The following GPR55 variants were observed in gnomAD, a reference collection of about 807,000 sequenced individuals.
GPR55 encodes the protein G-protein coupled receptor 55.
In GPR55, 6 loss-of-function variants were observed where a neutral mutation model predicts 7.9. The ratio of observed to expected loss-of-function variants is 0.76; its 90% CI spans 0.41 to 1.49. GPR55 has a LOEUF of 1.49. Ranked by LOEUF, GPR55 falls within the 40% of genes most tolerant of loss-of-function variation. The probability of loss-of-function intolerance (pLI) is 0.01; values close to 1 mark genes in which losing one functional copy is unlikely to be tolerated. For synonymous variants in GPR55, 183 were observed against 166.8 expected, an observed-to-expected ratio of 1.10 and a Z score of -0.75; for missense variants, 376 against 406.0, an observed-to-expected ratio of 0.93 and a Z score of 0.63.
Position 230,936,481 on chromosome 2 carries a change from T to C in GPR55, c.-135+24294A>G, listed in dbSNP as rs1373269969. 3.9e-5 allele frequency among the ~76,000 whole-genome samples: 6 copies of C among 152,172 alleles called. No homozygotes were observed. The South Asian group carries it at 1.2e-3, about 32-fold the overall frequency. ...CCATGTGAAGAAGGACATGTTTGCT[T>C]CCCCTTCCACCTGACTATAAGTTTC... On this transcript the variant is annotated intron_variant, in intron 1 of 1. Coordinates refer to the GPR55 transcript ENST00000392039.
intron 1 of GPR55, among the ~76,000 whole-genome samples, chr2:230,912,057 C>T (rs1326492466): frequency 1.3e-5 from 2 of 152,160 alleles, no homozygotes; most frequent in African/African-American, 2.4e-5. Context: ...CGCCTCTGCC[C>T]ACCTCCCTGC....
chr2:230,909,931 A>C lies in GPR55; in HGVS notation c.*72T>G. On this transcript the variant is annotated 3_prime_UTR_variant, in exon 2 of 2. Coordinates refer to ENST00000650999, the MANE Select transcript of GPR55 (RefSeq NM_005683.4). ...GTGCGGATCATCCCACCACATCAAA[A>C]CCCTGGAACGCGATATCCGTTACCA... The C allele has an allele frequency of 6.9e-7, 1 of 1,449,334 alleles. No individual in the cohort carries two copies. Among genetic ancestry groups the C allele is most frequent in the Non-Finnish European group, 9.4e-7 (1 of 1,059,286 alleles). 89.8% of individuals were successfully genotyped at this position (1,449,334 alleles called of 1,614,324 possible).
upstream of GPR55, among the ~76,000 whole-genome samples, chr2:230,927,454 C>T (rs892331162): frequency 1.3e-5 from 2 of 152,232 alleles, no homozygotes; most frequent in African/African-American, 4.8e-5. Context: ...TCAGGCCTGT[C>T]CCTCGAGCTT....
chr2:230,908,924 A>G lies in GPR55; in HGVS notation c.*1079T>C, dbSNP rs1243327765. 2.6e-5 allele frequency: 4 copies of G among 152,144 alleles called. No individual in the cohort carries two copies. The highest frequency in any genetic ancestry group is 9.7e-5 in the African/African-American group (4 of 41,384). The allele number at this position is 152,144 out of a possible 1,614,324, so 9.4% of individuals were successfully genotyped here. On this transcript the variant is annotated 3_prime_UTR_variant, in exon 2 of 2. Transcript: ENST00000650999. ...CCACACCCTTGTGCCTAGCTGCCTC[A>G]TCTCCCTCCCAGCTGCCAGGGAGGG... is the stretch of plus-strand genomic sequence containing the variant.
At chr2:230,936,416 A>C (rs1691132467) in intron 1 of GPR55, among the ~76,000 whole-genome samples, 1 of 152,146 alleles carries the variant, frequency 6.6e-6, no homozygotes, top group South Asian at 2.1e-4. Context: ...TGGTTTTATA[A>C]GGGGCTTTCC....
Position 230,910,638 on chromosome 2 carries a change from C to T in GPR55, c.325G>A (p.Val109Ile), listed in dbSNP as rs763797671. Residue 109 changes from valine (V) to isoleucine (I), a missense_variant, in exon 2 of 2, where the codon GTC becomes ATC. Transcript: ENST00000650999. This position sits in a 1 kb window ranked among gnomAD's most constrained non-coding sequence, Gnocchi z 5.4. ...CLYFVSMYGS[V>I]FTICFISMDR... ...ATGCTGATGAAGCAGATGGTGAAGA[C>T]GCTTCCGTACATGCTGACGAAGTAA... 26 of 1,613,722 alleles carry T rather than the reference C, an allele frequency of 1.6e-5. No homozygotes were observed. The highest frequency in any genetic ancestry group is 6.7e-5 in the Admixed American group (4 of 59,990).
chr2:230,932,866 T>TGC (rs1026956535), intron 1 of GPR55, among the ~76,000 whole-genome samples: 2 of 150,784 alleles, frequency 1.3e-5, no homozygotes, highest in Admixed American at 6.6e-5. Context: ...GCAGGACTGC[T>TGC]GCTCTCTCTC....
intron 1 of GPR55, among the ~76,000 whole-genome samples, chr2:230,941,324 G>A (rs775742338): frequency 6.6e-6 from 1 of 152,246 alleles, no homozygotes; most frequent in East Asian, 1.9e-4. Context: ...AGTGAGCAGG[G>A]CCCTTTGCTG....
chr2:230,926,045 G>T (rs368722533), upstream of GPR55, among the ~76,000 whole-genome samples: 14 of 152,228 alleles, frequency 9.2e-5, no homozygotes, highest in African/African-American at 3.4e-4. Flanking sequence ...TGCCCTGGAG[G>T]TGCTGGGAGG....
At chr2:230,926,682 C>CTT (rs56318183), upstream of GPR55, among the ~76,000 whole-genome samples, 50 of 100,912 alleles carry the variant, frequency 5.0e-4, no homozygotes, top group East Asian at 6.3e-4. Context: ...TGGCTACCTT[C>CTT]TTTTTTTTTT....
chr2:230,956,571 G>A (rs1003375980), intron 1 of GPR55, among the ~76,000 whole-genome samples: 5 of 152,120 alleles, frequency 3.3e-5, no homozygotes, highest in Non-Finnish European at 7.3e-5. Flanking sequence ...TTGCTGAAGC[G>A]TTTGGAGTAA....
chr2:230,937,373 C>T (rs1260894809), intron 1 of GPR55, among the ~76,000 whole-genome samples: 1 of 117,790 alleles, frequency 8.5e-6, no homozygotes, highest in Non-Finnish European at 1.7e-5. Flanking sequence ...CCAGTGTGCT[C>T]CAGTCTGGGC....
At position 230,944,019 on chromosome 2, in the gene GPR55, G is replaced by A. The variant is rs565988597; in HGVS notation, c.-135+16756C>T. On this transcript the variant is annotated intron_variant, in intron 1 of 1. Coordinates refer to the GPR55 transcript ENST00000392039. The surrounding 1 kb of genome is among the most constrained non-coding windows in gnomAD (Gnocchi z 4.2). ...AACACAGGGTCTGTCTTAGGAAGGG[G>A]CCCTCGGGCTGTCCCTCTTCTCCCT... Among the ~76,000 whole-genome samples the A allele has an allele frequency of 2.0e-5, 3 of 152,364 alleles. No individual in the cohort carries two copies. The East Asian group carries it at 5.8e-4, about 29-fold the overall frequency.
At chr2:230,915,850 G>A (rs1487359083) in intron 1 of GPR55, among the ~76,000 whole-genome samples, 1 of 42,312 alleles carries the variant, frequency 2.4e-5, no homozygotes, top group Non-Finnish European at 3.9e-5. Flanking sequence ...CTGGTTGGAA[G>A]AACCAGACTT....
At chr2:230,913,732 T>C (rs143900742) in intron 1 of GPR55, among the ~76,000 whole-genome samples, 1 of 152,210 alleles carries the variant, frequency 6.6e-6, no homozygotes, top group Non-Finnish European at 1.5e-5. Flanking sequence ...ATTACTGGAA[T>C]AGCTTGGAAC....
intron 1 of GPR55, among the ~76,000 whole-genome samples, chr2:230,936,890 T>C (rs1039932876): frequency 6.6e-6 from 1 of 152,244 alleles, no homozygotes; most frequent in Non-Finnish European, 1.5e-5. Context: ...TAATTTATAT[T>C]TATGATTCTT....
chr2:230,930,016 C>G (rs1212572938), upstream of GPR55: 1 of 152,338 alleles, frequency 6.6e-6, no homozygotes, highest in Non-Finnish European at 1.5e-5. Context: ...GCAACAGCTT[C>G]CCAGCATTCC....
chr2:230,927,458 C>T (rs998878218), upstream of GPR55, among the ~76,000 whole-genome samples: 1 of 152,240 alleles, frequency 6.6e-6, no homozygotes, highest in Non-Finnish European at 1.5e-5. Flanking sequence ...GCCTGTCCCT[C>T]GAGCTTTTCG....
intron 1 of GPR55, among the ~76,000 whole-genome samples, chr2:230,930,339 G>C (rs1029925818): frequency 6.6e-6 from 1 of 151,976 alleles, no homozygotes; most frequent in Non-Finnish European, 1.5e-5. Context: ...TTCCACTTTA[G>C]CTATTGAATT....
Sources: allele counts gnomAD v4.1 joint callset (sites outside exome capture counted in the v4.1 genomes callset), GRCh38; gene constraint gnomAD v4.1.1; non-coding constraint Gnocchi (gnomAD v3.1); transcripts MANE v1.5; gene names NCBI Gene and HGNC (gene_info 2026-07-23, HGNC 2026-07-21).